PAIP2B: variants seen among roughly 807,000 people sequenced by gnomAD.
PAIP2B encodes polyadenylate-binding protein-interacting protein 2B.
A neutral mutation model predicts 17.0 loss-of-function variants in PAIP2B; 13 were observed. That is an observed-to-expected ratio of 0.76 (90% CI 0.50 to 1.22). The LOEUF (loss-of-function observed/expected upper bound fraction) is 1.22. Among genes scored for constraint, PAIP2B ranks in the 50% most tolerant of loss-of-function variants. PAIP2B has a pLI of 0.00. For synonymous variants in PAIP2B, 43 were observed against 48.7 expected, an observed-to-expected ratio of 0.88 and a Z score of 0.48; for missense variants, 117 against 144.5, an observed-to-expected ratio of 0.81 and a Z score of 0.98.
chr2:71,224,916 C>T (rs1675682667), intron 1 of PAIP2B, among the ~76,000 whole-genome samples: 1 of 152,244 alleles, frequency 6.6e-6, no homozygotes, highest in Admixed American at 6.5e-5. Context: ...CAGCAATTCA[C>T]AACTGTTACA....
rs1262915667 is a variant in PAIP2B at position 71,189,832 on chromosome 2, A to G, written c.315+13T>C. The G allele has an allele frequency of 3.2e-6, 5 of 1,546,700 alleles. No individual in the cohort carries two copies. The African/African-American group carries it at 6.9e-5, about 21-fold the overall frequency. Reference sequence around the variant, plus strand: ...TTCACTACATAACCTGGGGAACTACATATGGCTCTTACCAAAATATCTTCA... The same window carrying G: ...TTCACTACATAACCTGGGGAACTACGTATGGCTCTTACCAAAATATCTTCA... On this transcript the variant is annotated intron_variant, in intron 3 of 3. Transcript: ENST00000244221.
chr2:71,223,086 A>G (rs1352694886), intron 1 of PAIP2B, among the ~76,000 whole-genome samples: 1 of 152,094 alleles, frequency 6.6e-6, no homozygotes, highest in Non-Finnish European at 1.5e-5. Context: ...ACAGGGCAGG[A>G]CCTTAATCTC....
chr2:71,211,651 T>C (rs1052954308), intron 1 of PAIP2B, among the ~76,000 whole-genome samples: 2 of 150,648 alleles, frequency 1.3e-5, no homozygotes, highest in Non-Finnish European at 3.0e-5. Context: ...TCCTGAGAAG[T>C]CCTGTTTAAT....
chr2:71,200,094 G>T (rs1362765033), intron 2 of PAIP2B, among the ~76,000 whole-genome samples: 1 of 152,140 alleles, frequency 6.6e-6, no homozygotes, highest in Admixed American at 6.5e-5. Context: ...AGTTTGGGGG[G>T]TTGTAAGCTG....
At chr2:71,226,587 T>G (rs1423604313) in intron 1 of PAIP2B, among the ~76,000 whole-genome samples, 1 of 151,636 alleles carries the variant, frequency 6.6e-6, no homozygotes, top group African/African-American at 2.4e-5. Context: ...GAAATGGGAC[T>G]CAGGCCAAGA....
At chr2:71,190,787 T>C (rs1430856648) in intron 2 of PAIP2B, among the ~76,000 whole-genome samples, 2 of 152,196 alleles carry the variant, frequency 1.3e-5, no homozygotes, top group Non-Finnish European at 2.9e-5. Flanking sequence ...CTAGTGGAGA[T>C]AAAATCAAAG....
At chr2:71,217,840 G>C (rs1572937826) in intron 1 of PAIP2B, among the ~76,000 whole-genome samples, 1 of 102,888 alleles carries the variant, frequency 9.7e-6, no homozygotes, top group Non-Finnish European at 2.4e-5. Flanking sequence ...AGCCAAGGGG[G>C]GAGATTACTT....
At chr2:71,207,591 A>G (rs1675166420) in intron 1 of PAIP2B, among the ~76,000 whole-genome samples, 1 of 152,212 alleles carries the variant, frequency 6.6e-6, no homozygotes, top group African/African-American at 2.4e-5. Context: ...GCAGAGACTG[A>G]GAGTTAATAA....
intron 2 of PAIP2B, among the ~76,000 whole-genome samples, chr2:71,201,406 CAG>C (rs1242498706): frequency 6.9e-6 from 1 of 145,790 alleles, no homozygotes; most frequent in African/African-American, 2.5e-5. Context: ...TTTTTTGAGA[CAG>C]AGTCTTGCTC....
chr2:71,191,490 G>A (rs1012123895), intron 2 of PAIP2B, among the ~76,000 whole-genome samples: 12 of 152,190 alleles, frequency 7.9e-5, no homozygotes, highest in African/African-American at 2.2e-4. Flanking sequence ...AACATGCTAC[G>A]TGCAATTCAC....
At chr2:71,201,371 G>A (rs1558776355) in intron 2 of PAIP2B, among the ~76,000 whole-genome samples, 1 of 151,346 alleles carries the variant, frequency 6.6e-6, no homozygotes, top group Non-Finnish European at 1.5e-5. Flanking sequence ...TTTACCTTCA[G>A]TGAGAGTTCT....
chr2:71,221,849 G>A (rs566333405), intron 1 of PAIP2B, among the ~76,000 whole-genome samples: 29 of 152,286 alleles, frequency 1.9e-4, no homozygotes, highest in African/African-American at 6.7e-4. Flanking sequence ...TCAGCGCTCT[G>A]CAAAATGCGC....
chr2:71,205,349 C>A (rs1298899021), intron 1 of PAIP2B, among the ~76,000 whole-genome samples: 2 of 152,174 alleles, frequency 1.3e-5, no homozygotes, highest in Admixed American at 1.3e-4. Context: ...CAGCAGCATT[C>A]CAACAACTTA....
chr2:71,193,399 G>T (rs1347550037), intron 2 of PAIP2B, among the ~76,000 whole-genome samples: 1 of 152,134 alleles, frequency 6.6e-6, no homozygotes, highest in African/African-American at 2.4e-5. Context: ...TGTTTACTCT[G>T]TTGATAGTTT....
intron 1 of PAIP2B, among the ~76,000 whole-genome samples, chr2:71,215,397 G>A (rs1675402881): frequency 6.6e-6 from 1 of 152,202 alleles, no homozygotes; most frequent in African/African-American, 2.4e-5. Flanking sequence ...CGCAAAATCT[G>A]TGTCGTTTTC....
chr2:71,203,860 C>T (rs1039224185), intron 1 of PAIP2B, among the ~76,000 whole-genome samples: 6 of 151,894 alleles, frequency 4.0e-5, no homozygotes, highest in African/African-American at 7.2e-5. Flanking sequence ...TCTACAGCTT[C>T]GTAAAATTGT....
At chr2:71,215,623 G>A (rs35073357) in intron 1 of PAIP2B, among the ~76,000 whole-genome samples, 14,230 of 152,258 alleles carry the variant, frequency 0.093, 739 homozygotes, top group Non-Finnish European at 0.12. Flanking sequence ...CTGGTCAACT[G>A]AGACTATTAG....
In PAIP2B at chr2:71,185,172, G is replaced by A. The variant is rs892098693; in HGVS notation, c.*3307C>T. On this transcript the variant is annotated 3_prime_UTR_variant, in exon 4 of 4. Coordinates refer to ENST00000244221, the MANE Select transcript of PAIP2B (RefSeq NM_020459.1). ...ATTCACCTCACCTCCTTACTTCCCA[G>A]CTTCTCCAAAATCAAAGCAATAGTA... The A allele has an allele frequency of 3.3e-5, 5 of 152,102 alleles. No homozygotes were observed. Among genetic ancestry groups the A allele is most frequent in the Non-Finnish European group, 5.9e-5 (4 of 68,030 alleles). The allele number at this position is 152,102 out of a possible 1,614,324, so 9.4% of individuals were successfully genotyped here.
intron 2 of PAIP2B, 137 bp downstream of exon 2, chr2:71,202,315 G>A: frequency 1.9e-6 from 2 of 1,072,580 alleles, no homozygotes; most frequent in Non-Finnish European, 2.7e-6. Context: ...TTCCAGATGA[G>A]GCCCCCCACC....
Sources: allele counts gnomAD v4.1 joint callset (sites outside exome capture counted in the v4.1 genomes callset), GRCh38; gene constraint gnomAD v4.1.1; transcripts MANE v1.5; gene names NCBI Gene and HGNC (gene_info 2026-07-23, HGNC 2026-07-21).